AUTS2: variants seen among roughly 807,000 people sequenced by gnomAD.
The protein encoded by AUTS2 is autism susceptibility gene 2 protein.
AUTS2 carries 17 observed loss-of-function variants against 112.4 expected under a neutral mutation model. That is an observed-to-expected ratio of 0.15 (90% CI 0.10 to 0.23). AUTS2 has a LOEUF of 0.23. AUTS2 is among the 10% of genes least tolerant of loss of function. The pLI is 1.00. For missense variants in AUTS2, 1,510 were observed against 1,701.6 expected, an observed-to-expected ratio of 0.89 and a Z score of 1.98; for synonymous variants, 751 against 702.7, an observed-to-expected ratio of 1.07 and a Z score of -1.09.
At chr7:69,892,318 C>T (rs538017934) in intron 1 of AUTS2, among the ~76,000 whole-genome samples, 2 of 151,726 alleles carry the variant, frequency 1.3e-5, no homozygotes, top group Admixed American at 6.6e-5. Context: ...ACTATAGGCG[C>T]GTACCACCAC....
Position 70,134,524 on chromosome 7 carries a change from G to A in AUTS2, c.625-12G>A. 1 of 1,613,506 alleles carries A rather than the reference G, an allele frequency of 6.2e-7. No individual in the cohort carries two copies. The highest frequency in any genetic ancestry group is 8.5e-7 in the Non-Finnish European group (1 of 1,179,530). ...GCTGATTTTCCACTTTTGTCTTTATGCTTTATTGCAGAGTTCAGCTCCTTC... is the reference window on the plus strand; with the variant it reads ...GCTGATTTTCCACTTTTGTCTTTATACTTTATTGCAGAGTTCAGCTCCTTC... On this transcript the variant is annotated splice_polypyrimidine_tract_variant and intron_variant, in intron 3 of 18. Transcript: ENST00000342771.
chr7:69,806,112 G>A (rs1045921323), intron 1 of AUTS2, among the ~76,000 whole-genome samples: 1 of 145,330 alleles, frequency 6.9e-6, no homozygotes, highest in African/African-American at 2.5e-5. Flanking sequence ...GTCTTGCTAT[G>A]TTGCCCAGGC....
intron 5 of AUTS2, among the ~76,000 whole-genome samples, chr7:70,673,960 A>G (rs1563118553): frequency 6.6e-6 from 1 of 152,216 alleles, no homozygotes; most frequent in East Asian, 1.9e-4. Context: ...TATCCTACAG[A>G]TAGGATCCTG....
At chr7:70,753,915 G>C (rs996735336) in intron 6 of AUTS2, among the ~76,000 whole-genome samples, 4 of 152,184 alleles carry the variant, frequency 2.6e-5, no homozygotes, top group Non-Finnish European at 5.9e-5. Flanking sequence ...CCCGCACTTT[G>C]GGAGGCCGAG....
At chr7:70,420,493 A>G (rs1007829641) in intron 4 of AUTS2, among the ~76,000 whole-genome samples, 4 of 152,186 alleles carry the variant, frequency 2.6e-5, no homozygotes, top group Admixed American at 2.6e-4. Flanking sequence ...CTGCCATAGA[A>G]GTGCTTATTG....
chr7:69,754,792 C>T (rs1787882087), intron 1 of AUTS2, among the ~76,000 whole-genome samples: 1 of 152,240 alleles, frequency 6.6e-6, no homozygotes, highest in South Asian at 2.1e-4. Context: ...TATTTCTCAC[C>T]GTTTTTCAAA....
At chr7:70,004,896 T>G (rs906423129) in intron 2 of AUTS2, among the ~76,000 whole-genome samples, 1 of 151,858 alleles carries the variant, frequency 6.6e-6, no homozygotes, top group Non-Finnish European at 1.5e-5. Context: ...ATGGTCTCGG[T>G]TCACTGCAAC....
intron 4 of AUTS2, among the ~76,000 whole-genome samples, chr7:70,369,067 A>G (rs770840880): frequency 3.3e-5 from 5 of 152,184 alleles, no homozygotes; most frequent in African/African-American, 4.8e-5. Context: ...CCCATCAATA[A>G]TTTTCCCAAG....
chr7:70,336,452 G>C (rs1471028377), intron 4 of AUTS2, among the ~76,000 whole-genome samples: 1 of 152,156 alleles, frequency 6.6e-6, no homozygotes, highest in Non-Finnish European at 1.5e-5. Flanking sequence ...TGCCCACATG[G>C]AGGGTGATTG....
intron 4 of AUTS2, among the ~76,000 whole-genome samples, chr7:70,368,517 G>T (rs1792688276): frequency 1.3e-5 from 2 of 152,198 alleles, no homozygotes; most frequent in South Asian, 2.1e-4. Flanking sequence ...GTAACAAGTA[G>T]CCCTAACTCT....
chr7:70,022,440 C>T (rs1359864652), intron 2 of AUTS2, among the ~76,000 whole-genome samples: 2 of 151,846 alleles, frequency 1.3e-5, no homozygotes, highest in Admixed American at 6.6e-5. Flanking sequence ...CCTGCCTTAG[C>T]CCCCAAGTAG....
At chr7:70,105,928 A>T (rs2129570394) in intron 2 of AUTS2, among the ~76,000 whole-genome samples, 1 of 152,308 alleles carries the variant, frequency 6.6e-6, no homozygotes, top group African/African-American at 2.4e-5. Context: ...TCATAAATTT[A>T]TATTAATCAG....
chr7:70,215,023 G>A (rs900936506), intron 4 of AUTS2, among the ~76,000 whole-genome samples: 21 of 152,198 alleles, frequency 1.4e-4, no homozygotes, highest in Admixed American at 6.5e-5. Context: ...AGTGGCTCAC[G>A]CCAGTAATGC....
intron 1 of AUTS2, among the ~76,000 whole-genome samples, chr7:69,661,894 T>C (rs1016273910): frequency 3.3e-5 from 5 of 152,220 alleles, no homozygotes; most frequent in South Asian, 2.1e-4. Flanking sequence ...GACAGTGTTA[T>C]TTTAACTTGA....
chr7:70,176,159 A>G (rs919015004), intron 4 of AUTS2, among the ~76,000 whole-genome samples: 1 of 152,192 alleles, frequency 6.6e-6, no homozygotes, highest in African/African-American at 2.4e-5. Flanking sequence ...ATGAGGTTTC[A>G]TTAGGGTTAC....
chr7:70,132,680 A>G (rs182973191), intron 3 of AUTS2, among the ~76,000 whole-genome samples: 1 of 152,280 alleles, frequency 6.6e-6, no homozygotes, highest in South Asian at 2.1e-4. Flanking sequence ...AGTAATGTAC[A>G]ATATATATGC....
intron 4 of AUTS2, among the ~76,000 whole-genome samples, chr7:70,433,872 G>C (rs945014772): frequency 1.3e-5 from 2 of 152,180 alleles, no homozygotes; most frequent in African/African-American, 4.8e-5. Context: ...ATTTAGATGG[G>C]TGTTCTGTTA....
At chr7:70,556,526 G>A (rs1284839572) in intron 5 of AUTS2, among the ~76,000 whole-genome samples, 1 of 152,300 alleles carries the variant, frequency 6.6e-6, no homozygotes, top group Middle Eastern at 3.4e-3. Flanking sequence ...CGAGGCTTTA[G>A]TTACTTGACT....
chr7:69,743,204 A>G, intron 1 of AUTS2, among the ~76,000 whole-genome samples: 1 of 152,140 alleles, frequency 6.6e-6, no homozygotes, highest in African/African-American at 2.4e-5. Flanking sequence ...GTAATATGGG[A>G]ATAATAATAG....
Sources: gnomAD v4.1 joint callset for allele counts (sites outside exome capture counted in the v4.1 genomes callset) on GRCh38, gnomAD v4.1.1 for gene constraint, MANE v1.5 for transcripts, NCBI Gene and HGNC (gene_info 2026-07-23, HGNC 2026-07-21) for gene names.